Variants in GOLGA8T observed in about 807,000 individuals in gnomAD.
GOLGA8T encodes the protein golgin subfamily A member 8T.
A neutral mutation model predicts 52.0 loss-of-function variants in GOLGA8T; 17 were observed. The observed-to-expected ratio is 0.33, with a 90% CI of 0.22 to 0.49. The LOEUF is 0.49. Among genes scored for constraint, GOLGA8T ranks in the 20% least tolerant of loss-of-function variants. The pLI, the probability that GOLGA8T is intolerant of heterozygous loss-of-function variation, is 0.99. For synonymous variants in GOLGA8T, 67 were observed against 169.5 expected (o/e 0.40, Z 4.70); for missense variants, 154 against 462.1 (o/e 0.33, Z 6.11).
intron 8 of GOLGA8T, 118 bp from the exon 9 acceptor site, chr15:30,140,724 A>G: frequency 1.3e-6 from 1 of 796,228 alleles, no homozygotes; most frequent in Admixed American, 2.3e-5. Context: ...GGGCTTGGAA[A>G]TGCCTTGATC....
intron 10 of GOLGA8T, 67 bp downstream of exon 10, chr15:30,141,209 A>G: frequency 8.9e-7 from 1 of 1,117,898 alleles, no homozygotes; most frequent in Non-Finnish European, 1.3e-6. Context: ...CATCTGTAAA[A>G]TGGGAATAGT....
chr15:30,136,417 A>G (rs1158024751), intron 1 of GOLGA8T, among the ~76,000 whole-genome samples: 4 of 147,862 alleles, frequency 2.7e-5, no homozygotes, highest in East Asian at 2.0e-4. Flanking sequence ...TCTTTCTGAT[A>G]AATTCTGATT....
chr15:30,141,457 G>T, intron 11 of GOLGA8T, 32 bp downstream of exon 11: 1 of 1,520,316 alleles, frequency 6.6e-7, no homozygotes, highest in Non-Finnish European at 8.7e-7. Flanking sequence ...CTAGGAGCAG[G>T]ACTGGCATCA....
At position 30,140,888 on chromosome 15, in the gene GOLGA8T, C is replaced by T. The variant is rs769273676; in HGVS notation, c.638C>T (p.Ser213Phe). The change falls in exon 9 of 19, where the codon TCC (serine) becomes TTC (phenylalanine). Residue 213 changes from serine (S) to phenylalanine (F), a missense_variant. Physicochemically the swap from Ser to Phe is radical, Grantham distance 155. Coordinates refer to ENST00000569052, the MANE Select transcript of GOLGA8T (RefSeq NM_001355469.2). ...CGTACGGAGTGGAAGTTAGAGCAGT[C>T]CATGCGGGAGGAGACACTACTGAAA... The part of the protein sequence containing the change: ...KARTEWKLEQ[S>F]MREETLLKVQ... 49 of 1,556,792 alleles carry T rather than the reference C, an allele frequency of 3.1e-5. 6 individuals carry two copies. The East Asian group carries it at 6.2e-4, about 20-fold the overall frequency.
Position 30,142,021 on chromosome 15 carries a change from A to G in GOLGA8T, c.1094A>G (p.Gln365Arg). Reference protein sequence around the residue: ...ERIQEQHKSLQQLAKPQSVFE... With the variant: ...ERIQEQHKSLRQLAKPQSVFE... The stretch of plus-strand genomic sequence containing the variant: ...ATTCAGGAGCAGCACAAGAGCCTTC[A>G]GCAGCTGGCCAAGCCACAGAGCGTC... The change falls in exon 12 of 19, where the codon CAG becomes CGG. Residue 365 changes from glutamine (Q) to arginine (R), a missense_variant. Gln to Arg is a conservative substitution (Grantham distance 43). Coordinates refer to ENST00000569052, the MANE Select transcript of GOLGA8T (RefSeq NM_001355469.2). 2 of 419,346 alleles carry G rather than the reference A, an allele frequency of 4.8e-6. No individual in the cohort carries two copies. The highest frequency in any genetic ancestry group is 7.8e-6 in the Non-Finnish European group (2 of 256,794). The allele number at this position is 419,346 out of a possible 1,614,324, so 26.0% of individuals were successfully genotyped here. A position where few individuals can be genotyped will look rare whatever the true frequency, so the allele number is the denominator to read the frequency against.
chr15:30,142,058 G>A lies in GOLGA8T; in HGVS notation c.1131G>A (p.Pro377=), dbSNP rs1485927914. ...AGCCACAGAGCGTCTTCGAGGAGCC[G>A]GTGCGTTGCCCAAACTGGGGAGCTT... ...LAKPQSVFEE[P]NNENKNALQL... is the part of the protein sequence containing the mutation. The change falls in exon 12 of 19, where the codon CCG becomes CCA. Residue 377 remains proline (P), a splice_region_variant and synonymous_variant. Transcript: ENST00000569052. 1.9e-5 allele frequency: 8 copies of A among 419,560 alleles called. No homozygotes were observed. The highest frequency in any genetic ancestry group is 3.9e-5 in the East Asian group (1 of 25,596). 26.0% of individuals were successfully genotyped at this position (419,560 alleles called of 1,614,324 possible). A position where few individuals can be genotyped will look rare whatever the true frequency, so the allele number is the denominator to read the frequency against.
At position 30,143,374 on chromosome 15, in the gene GOLGA8T, G is replaced by A. The variant is rs1484493523; in HGVS notation, c.1201-232G>A. Among the ~76,000 whole-genome samples, 5 of 117,754 alleles carry A rather than the reference G, an allele frequency of 4.2e-5. 1 individual carries two copies. The highest frequency in any genetic ancestry group is 1.8e-4 in the African/African-American group (3 of 16,548). The allele number at this position is 117,754 out of a possible 152,430, so 77.3% of individuals were successfully genotyped here. On this transcript the variant is annotated intron_variant, in intron 13 of 18. Transcript: ENST00000569052. ...TTACCTGGGTCACCTGCAGCAGTACGTGGCCACCTATCAGCAGCTGACCTG... is the reference window on the plus strand; with the variant it reads ...TTACCTGGGTCACCTGCAGCAGTACATGGCCACCTATCAGCAGCTGACCTG...
rs533960498 is a variant in GOLGA8T at position 30,140,673 on chromosome 15, T to G, written c.592-169T>G. Among the ~76,000 whole-genome samples the G allele has an allele frequency of 4.1e-5, 6 of 145,834 alleles. No individual in the cohort carries two copies. The South Asian group carries it at 1.3e-3, about 31-fold the overall frequency. ...GCTATAAATTCAATCTCATTCCCTG[T>G]CCGTTCCAACTTTACTGAGTTCTTT... is the stretch of plus-strand genomic sequence containing the variant. On this transcript the variant is annotated intron_variant, in intron 8 of 18. Coordinates refer to ENST00000569052, the MANE Select transcript of GOLGA8T (RefSeq NM_001355469.2).
chr15:30,139,435 G>A, intron 6 of GOLGA8T, 29 bp downstream of exon 6: 1 of 203,162 alleles, frequency 4.9e-6, no homozygotes, highest in East Asian at 9.3e-5. Context: ...GTTTCCTCCT[G>A]TCCTCCGGAG....
Position 30,148,414 on chromosome 15 carries a change from A to G in GOLGA8T, c.*2847A>G, listed in dbSNP as rs1265634219. Among the ~76,000 whole-genome samples, 2 of 130,664 alleles carry G rather than the reference A, an allele frequency of 1.5e-5. 1 individual carries two copies. Among genetic ancestry groups the G allele is most frequent in the African/African-American group, 7.7e-5 (2 of 26,040 alleles). The allele number at this position is 130,664 out of a possible 152,430, so 85.7% of individuals were successfully genotyped here. The stretch of plus-strand genomic sequence containing the variant: ...AAAATGTAAATCAGCCCTATCCATA[A>G]TATAGTTTCTCTAAAACTTTATCTT... On this transcript the variant is annotated 3_prime_UTR_variant, in exon 19 of 19. Coordinates refer to ENST00000569052, the MANE Select transcript of GOLGA8T (RefSeq NM_001355469.2).
In GOLGA8T at chr15:30,148,371, G is replaced by A. The variant is rs559738829; in HGVS notation, c.*2804G>A. Among the ~76,000 whole-genome samples the A allele has an allele frequency of 5.4e-5, 7 of 128,846 alleles. No homozygotes were observed. Among genetic ancestry groups the A allele is most frequent in the Non-Finnish European group, 1.1e-4 (7 of 65,280 alleles). The allele number at this position is 128,846 out of a possible 152,430, so 84.5% of individuals were successfully genotyped here. A position where few individuals can be genotyped will look rare whatever the true frequency, so the allele number is the denominator to read the frequency against. On this transcript the variant is annotated 3_prime_UTR_variant, in exon 19 of 19. Transcript: ENST00000569052. Reference sequence around the variant, plus strand: ...AAAAAAAATCAGCTCTAAAACCAAAGCGATTTTAGAAAATTTGAAAATGTA... The same window carrying A: ...AAAAAAAATCAGCTCTAAAACCAAAACGATTTTAGAAAATTTGAAAATGTA...
chr15:30,137,238 C>G (rs965277704), intron 2 of GOLGA8T, among the ~76,000 whole-genome samples: 9 of 147,354 alleles, frequency 6.1e-5, no homozygotes, highest in Admixed American at 1.4e-4. Context: ...ATTAGCCAAG[C>G]GTGGTGGCGT....
chr15:30,144,811 A>G lies in GOLGA8T; in HGVS notation c.1401A>G (p.Ala467=), dbSNP rs1270271164. 2.6e-6 allele frequency: 4 copies of G among 1,548,784 alleles called. No individual in the cohort carries two copies. The highest frequency in any genetic ancestry group is 1.7e-5 in the Admixed American group (1 of 57,886). Residue 467 remains alanine (A), a synonymous_variant, in exon 16 of 19, where the codon GCA becomes GCG. Transcript: ENST00000569052. ...SSFMDHLKEK[A]DLSELVKKEL... ...TTATGGACCACCTGAAGGAGAAGGC[A>G]GACCTGAGTGAGCTGGTGAAAAAAG...
Position 30,144,852 on chromosome 15 carries a change from A to G in GOLGA8T, c.1442A>G (p.His481Arg). 6.3e-7 allele frequency: 1 copy of G among 1,578,500 alleles called. No individual in the cohort carries two copies. Among genetic ancestry groups the G allele is most frequent in the Non-Finnish European group, 8.6e-7 (1 of 1,168,148 alleles). ...ELVKKELCFI[H>R]HWRDRRHQKT... is the part of the protein sequence containing the mutation. Reference sequence around the variant, plus strand: ...GTGAAAAAAGAACTCTGCTTCATCCACCACTGGCGAGACAGACGCCATCAG... The same window carrying G: ...GTGAAAAAAGAACTCTGCTTCATCCGCCACTGGCGAGACAGACGCCATCAG... The change falls in exon 16 of 19, where the codon CAC becomes CGC. Residue 481 changes from histidine to arginine, a missense_variant. Around this residue, in one of 6 missense-constraint regions of GOLGA8T, gnomAD observed 17 missense variants for 26.0 expected, o/e 0.65. Coordinates refer to ENST00000569052, the MANE Select transcript of GOLGA8T (RefSeq NM_001355469.2).
At chr15:30,142,604 C>T (rs1198971830) in intron 13 of GOLGA8T, among the ~76,000 whole-genome samples, 2 of 142,642 alleles carry the variant, frequency 1.4e-5, no homozygotes, top group Non-Finnish European at 3.0e-5. Context: ...TAGCTAGAGG[C>T]ATGGAGCCCC....
rs1307518634 is a variant in GOLGA8T at position 30,136,979 on chromosome 15, T to G, written c.162T>G (p.Pro54=). 9.3e-7 allele frequency: 1 copy of G among 1,076,966 alleles called. No homozygotes were observed. Among genetic ancestry groups the G allele is most frequent in the Non-Finnish European group, 1.3e-6 (1 of 773,840 alleles). 66.7% of individuals were successfully genotyped at this position (1,076,966 alleles called of 1,614,324 possible). A position where few individuals can be genotyped will look rare whatever the true frequency, so the allele number is the denominator to read the frequency against. The stretch of plus-strand genomic sequence containing the variant: ...CCACTTCTGGTGGTTGCCAGCCACC[T>G]AGGGATGTGAGTCTTGGCTGACCAG... ...EKATSGGCQP[P]RDSATGFHRE... is the part of the protein sequence containing the mutation. The change falls in exon 2 of 19, where the codon CCT becomes CCG. Residue 54 remains proline, a synonymous_variant. Transcript: ENST00000569052.
At position 30,145,434 on chromosome 15, in the gene GOLGA8T, C is replaced by T. The variant is rs1489738223; in HGVS notation, c.1763C>T (p.Ala588Val). The part of the protein sequence containing the change: ...VSLTSSAQGE[A>V]REDPLLDKPT... ...CTCACCTCCTCTGCCCAAGGAGAGG[C>T]CAGGGAGGATCCTCTCCTTGACAAG... is the stretch of plus-strand genomic sequence containing the variant. The change falls in exon 19 of 19, where the codon GCC becomes GTC. Residue 588 changes from alanine to valine, a missense_variant. By Grantham distance (64) the Ala-to-Val change is moderately conservative. Around this residue, in one of 6 missense-constraint regions of GOLGA8T, gnomAD observed 22 missense variants for 181.2 expected, o/e 0.12. Coordinates refer to ENST00000569052, the MANE Select transcript of GOLGA8T (RefSeq NM_001355469.2). The T allele has an allele frequency of 6.5e-7, 1 of 1,546,164 alleles. No individual in the cohort carries two copies. Among genetic ancestry groups the T allele is most frequent in the African/African-American group, 1.8e-5 (1 of 57,028 alleles).
Position 30,148,705 on chromosome 15 carries a change from T to G in GOLGA8T, c.*3138T>G, listed in dbSNP as rs1472687655. Reference sequence around the variant, plus strand: ...TTTTCCCTAGAGTGGCCTTATTGACTGCTGGTGTGATGCCACTGTAATGTA... The same window carrying G: ...TTTTCCCTAGAGTGGCCTTATTGACGGCTGGTGTGATGCCACTGTAATGTA... On this transcript the variant is annotated 3_prime_UTR_variant, in exon 19 of 19. Transcript: ENST00000569052. Among the ~76,000 whole-genome samples, 1 of 147,242 alleles carries G rather than the reference T, an allele frequency of 6.8e-6. No individual in the cohort carries two copies. Among genetic ancestry groups the G allele is most frequent in the Non-Finnish European group, 1.5e-5 (1 of 67,348 alleles).
rs1407891179 is a variant in GOLGA8T, at chr15:30,141,417, A to C, written c.866A>C (p.Asn289Thr). The part of the protein sequence containing the change: ...ELERSLSKLK[N>T]QMAEPLPPEP... Reference sequence around the variant, plus strand: ...GAGAGGAGCTTGTCCAAACTCAAAAACCAGATGGGTAAGATGGGGCTGGCA... The same window carrying C: ...GAGAGGAGCTTGTCCAAACTCAAAACCCAGATGGGTAAGATGGGGCTGGCA... The change falls in exon 11 of 19, where the codon AAC becomes ACC. Residue 289 changes from asparagine to threonine, a missense_variant. Around this residue, in one of 6 missense-constraint regions of GOLGA8T, gnomAD observed 56 missense variants for 134.2 expected, o/e 0.42. Coordinates refer to ENST00000569052, the MANE Select transcript of GOLGA8T (RefSeq NM_001355469.2). 2.0e-6 allele frequency: 3 copies of C among 1,533,074 alleles called. No homozygotes were observed. The Admixed American group carries it at 5.2e-5, about 27-fold the overall frequency. The allele number at this position is 1,533,074 out of a possible 1,614,324, so 95.0% of individuals were successfully genotyped here.
Sources: allele counts gnomAD v4.1 joint callset (sites outside exome capture counted in the v4.1 genomes callset), GRCh38; gene constraint gnomAD v4.1.1; regional missense constraint gnomAD v4.1.1; transcripts MANE v1.5; gene names NCBI Gene and HGNC (gene_info 2026-07-23, HGNC 2026-07-21).